The following FGL1 variants were observed in gnomAD, a reference collection of about 807,000 sequenced individuals.
FGL1 encodes fibrinogen like 1.
Under a neutral mutation model 43.7 loss-of-function variants are expected in FGL1, and 59 were observed. The ratio of observed to expected loss-of-function variants is 1.35; its 90% CI spans 1.10 to 1.68. FGL1 has a LOEUF of 1.68. FGL1 is among the 40% of genes most tolerant of loss of function. The pLI, the probability that FGL1 is intolerant of heterozygous loss-of-function variation, is 0.00. For missense variants in FGL1, 596 were observed against 373.0 expected, an observed-to-expected ratio of 1.60 and a Z score of -4.92; for synonymous variants, 192 against 126.5, an observed-to-expected ratio of 1.52 and a Z score of -3.48.
In FGL1 at chr8:17,868,186, T is replaced by C. The variant is rs34445566; in HGVS notation, c.779+362A>G. On this transcript the variant is annotated intron_variant, in intron 7 of 7. Coordinates refer to ENST00000427924, the MANE Select transcript of FGL1 (RefSeq NM_004467.4). ...CAATAACGGTGGCTCTTTTGTGTGA[T>C]ATGGTCAGGTGAAGAACTAGTTGGT... 3.6e-3 allele frequency among the ~76,000 whole-genome samples: 553 copies of C among 152,280 alleles called. 3 individuals carry two copies. The highest frequency in any genetic ancestry group is 0.012 in the African/African-American group (513 of 41,568).
chr8:17,891,645 A>T, intron 1 of FGL1: 2 of 981,848 alleles, frequency 2.0e-6, no homozygotes, highest in Non-Finnish European at 2.4e-6. Context: ...ACTCGACAAA[A>T]TATCTACTGA....
intron 5 of FGL1, among the ~76,000 whole-genome samples, chr8:17,870,164 T>A (rs928136057): frequency 1.3e-5 from 2 of 152,118 alleles, no homozygotes; most frequent in Non-Finnish European, 2.9e-5. Context: ...ACATATTATC[T>A]TTTATATATG....
At chr8:17,888,237 G>A (rs1334798684) in intron 1 of FGL1, among the ~76,000 whole-genome samples, 1 of 152,230 alleles carries the variant, frequency 6.6e-6, no homozygotes. Context: ...ATAAAATGGG[G>A]TGAGAATAGG....
intron 5 of FGL1, among the ~76,000 whole-genome samples, chr8:17,871,331 T>C (rs1219931252): frequency 6.6e-6 from 1 of 151,892 alleles, no homozygotes; most frequent in East Asian, 1.9e-4. Flanking sequence ...CCGTCTCTAC[T>C]AAAAATACAA....
Position 17,875,546 on chromosome 8 carries a change from T to TC in FGL1, c.245-1026_245-1025insG, listed in dbSNP as rs2053439715. Among the ~76,000 whole-genome samples, 33 of 15,502 alleles carry TC rather than the reference T, an allele frequency of 2.1e-3. 2 individuals carry two copies. Among genetic ancestry groups the TC allele is most frequent in the African/African-American group, 5.3e-3 (29 of 5,502 alleles). The allele number at this position is 15,502 out of a possible 152,430, so 10.2% of individuals were successfully genotyped here. ...TTCTTTCTTTCTTTCTCTTTCTTTC[T>TC]TTCTTTCTTTCTTTCTTTCTTTCTT... On this transcript the variant is annotated intron_variant, in intron 3 of 7. Coordinates refer to ENST00000427924, the MANE Select transcript of FGL1 (RefSeq NM_004467.4).
chr8:17,886,967 C>G (rs1403190306), intron 1 of FGL1, among the ~76,000 whole-genome samples: 1 of 152,132 alleles, frequency 6.6e-6, no homozygotes, highest in African/African-American at 2.4e-5. Flanking sequence ...AGATCCTCAT[C>G]TAAATCCTGT....
At chr8:17,883,078 A>G (rs1459097161) in intron 2 of FGL1, among the ~76,000 whole-genome samples, 1 of 72,330 alleles carries the variant, frequency 1.4e-5, no homozygotes, top group East Asian at 3.7e-4. Flanking sequence ...TATTAAATAT[A>G]TAATATATAT....
chr8:17,893,897 AG>A, intron 1 of FGL1, among the ~76,000 whole-genome samples: 1 of 147,384 alleles, frequency 6.8e-6, no homozygotes, highest in East Asian at 1.9e-4. Flanking sequence ...TTGCACAATT[AG>A]TTGTATTTCT....
chr8:17,864,597 T>C lies in FGL1; in HGVS notation c.934A>G (p.Ile312Val). 6.2e-7 allele frequency: 1 copy of C among 1,602,768 alleles called. No homozygotes were observed. The highest frequency in any genetic ancestry group is 1.1e-5 in the South Asian group (1 of 88,680). Residue 312 changes from isoleucine to valine, a missense_variant, in exon 8 of 8, where the codon ATT becomes GTT. By Grantham distance (29) the Ile-to-Val change is conservative. Coordinates refer to ENST00000427924, the MANE Select transcript of FGL1 (RefSeq NM_004467.4). ...IRPNDFIPNV[I>V] ...CGAAAGCCCAACAGCAGCAATTAAA[T>C]TACATTTGGAATAAAATCATTTGGC...
At chr8:17,873,453 G>A (rs145953760) in intron 5 of FGL1, among the ~76,000 whole-genome samples, 1,891 of 152,138 alleles carry the variant, frequency 0.012, 19 homozygotes, top group South Asian at 0.033. Context: ...GCAGAGCCCA[G>A]CCCTGATCAG....
intron 1 of FGL1, among the ~76,000 whole-genome samples, chr8:17,892,125 G>A (rs1441120879): frequency 6.6e-6 from 1 of 151,924 alleles, no homozygotes; most frequent in Admixed American, 6.6e-5. Context: ...TTTTAAATTT[G>A]TACCCTTGTG....
Position 17,882,010 on chromosome 8 carries a change from C to T in FGL1, c.233G>A (p.Arg78Lys). 6.2e-7 allele frequency: 1 copy of T among 1,613,766 alleles called. No individual in the cohort carries two copies. The change falls in exon 3 of 8, where the codon AGG becomes AAG. Residue 78 changes from arginine to lysine, a missense_variant. Transcript: ENST00000427924. ...AAGTCCATTCTGACCTGCATACTGCCTCTTGCTTCCAAGATCAATGACAGT... is the reference window on the plus strand; with the variant it reads ...AAGTCCATTCTGACCTGCATACTGCTTCTTGCTTCCAAGATCAATGACAGT... ...ENTVIDLGSK[R>K]QYADCSEIFN...
chr8:17,883,315 T>TATAATATA, intron 2 of FGL1, among the ~76,000 whole-genome samples: 1 of 109,578 alleles, frequency 9.1e-6, no homozygotes, highest in Non-Finnish European at 1.6e-5. Context: ...TTAAATAACA[T>TATAATATA]ATAATAATAT....
chr8:17,891,287 G>A (rs2053701298), intron 1 of FGL1: 2 of 152,242 alleles, frequency 1.3e-5, no homozygotes, highest in South Asian at 4.2e-4. Flanking sequence ...AAATCAAGAA[G>A]AACAGGGCCA....
At position 17,874,367 on chromosome 8, in the gene FGL1, A is replaced by T. The variant is rs34871936; in HGVS notation, c.399T>A (p.Phe133Leu). ...TTACATCATAATTAGCACACCTGTT[A>T]AAGTTTTCACTGCCATCAGATCGTC... ...IQRRSDGSEN[F>L]NRGWKDYENG... The change falls in exon 4 of 8, where the codon TTT (phenylalanine) becomes TTA (leucine). Residue 133 changes from phenylalanine to leucine, a missense_variant. By Grantham distance (22) the Phe-to-Leu change is conservative. Transcript: ENST00000427924. 5.6e-6 allele frequency: 9 copies of T among 1,612,208 alleles called. No individual in the cohort carries two copies. The highest frequency in any genetic ancestry group is 7.6e-6 in the Non-Finnish European group (9 of 1,179,446).
Position 17,868,977 on chromosome 8 carries a change from G to A in FGL1, c.530C>T (p.Ala177Val). ...ATAACGGCTATTTTTTTCAAAATCT[G>A]CAAGGTCGATTTTTAAAGTGTAGTC... The part of the protein sequence containing the change: ...QEDYTLKIDL[A>V]DFEKNSRYAQ... The change falls in exon 6 of 8, where the codon GCA becomes GTA. Residue 177 changes from alanine (A) to valine (V), a missense_variant. Physicochemically the swap from Ala to Val is moderately conservative, Grantham distance 64. Coordinates refer to ENST00000427924, the MANE Select transcript of FGL1 (RefSeq NM_004467.4). 1 of 1,601,550 alleles carries A rather than the reference G, an allele frequency of 6.2e-7. No homozygotes were observed. The highest frequency in any genetic ancestry group is 1.1e-5 in the South Asian group (1 of 87,762).
At chr8:17,893,054 A>G (rs1370863087) in intron 1 of FGL1, among the ~76,000 whole-genome samples, 1 of 152,172 alleles carries the variant, frequency 6.6e-6, no homozygotes, top group African/African-American at 2.4e-5. Context: ...CAAAGAAATT[A>G]GCCAGGTGTG....
chr8:17,871,846 A>C (rs2053367241), intron 5 of FGL1, among the ~76,000 whole-genome samples: 1 of 152,210 alleles, frequency 6.6e-6, no homozygotes, highest in Non-Finnish European at 1.5e-5. Context: ...TGATATATGA[A>C]AAGGAACAGG....
chr8:17,894,860 A>G (rs2053753143), intron 1 of FGL1, among the ~76,000 whole-genome samples: 1 of 145,856 alleles, frequency 6.9e-6, no homozygotes, highest in Non-Finnish European at 1.5e-5. Flanking sequence ...ATATATATGT[A>G]TATGTATGTA....
Sources: gnomAD v4.1 joint callset for allele counts (sites outside exome capture counted in the v4.1 genomes callset) on GRCh38, gnomAD v4.1.1 for gene constraint, MANE v1.5 for transcripts, NCBI Gene and HGNC (gene_info 2026-07-23, HGNC 2026-07-21) for gene names.